The following MRO variants were observed in gnomAD, a reference collection of about 807,000 sequenced individuals.
The protein encoded by MRO is maestro, also known as protein maestro.
In MRO, 28 loss-of-function variants were observed where a neutral mutation model predicts 31.0. That is an observed-to-expected ratio of 0.90 (90% CI 0.67 to 1.24). MRO has a LOEUF of 1.24. Ranked by LOEUF, MRO falls within the 50% of genes most tolerant of loss-of-function variation. The probability of loss-of-function intolerance (pLI) is 0.00; values close to 1 mark genes in which losing one functional copy is unlikely to be tolerated. For missense variants in MRO, 332 were observed against 289.2 expected (o/e 1.15, Z -1.07); for synonymous variants, 108 against 108.4 (o/e 1.00, Z 0.02).
At position 50,795,883 on chromosome 18, in the gene MRO, T is replaced by G. The variant is rs921285700; in HGVS notation, c.*3454A>C. On this transcript the variant is annotated 3_prime_UTR_variant, in exon 8 of 8. Transcript: ENST00000398439. ...TGAACCCAGGAGGTGGAGGTTGCAG[T>G]GAGCCGAGATCGTGTCATTGCACTC... is the stretch of plus-strand genomic sequence containing the variant. The G allele has an allele frequency of 6.6e-6, 1 of 152,158 alleles. No individual in the cohort carries two copies. Among genetic ancestry groups the G allele is most frequent in the Admixed American group, 6.6e-5 (1 of 15,262 alleles). The allele number at this position is 152,158 out of a possible 1,614,324, so 9.4% of individuals were successfully genotyped here.
At chr18:50,802,615 A>G (rs1163230145) in intron 5 of MRO, among the ~76,000 whole-genome samples, 1 of 152,216 alleles carries the variant, frequency 6.6e-6, no homozygotes, top group East Asian at 1.9e-4. Context: ...TGAGGGTCAC[A>G]GAGACCCAGC....
At chr18:50,812,783 G>C (rs1370862139) in intron 2 of MRO, among the ~76,000 whole-genome samples, 1 of 152,148 alleles carries the variant, frequency 6.6e-6, no homozygotes, top group Non-Finnish European at 1.5e-5. Context: ...CAGGCAAGCA[G>C]CTGCAGCCAT....
In MRO at chr18:50,798,362, G is replaced by A. The variant is rs1053685602; in HGVS notation, c.*975C>T. ...AAAGTTAACTGGGCTTAGTAGAGGA[G>A]CAGAAGCAGAGATGTTTGCATTTGC... On this transcript the variant is annotated 3_prime_UTR_variant, in exon 8 of 8. Coordinates refer to ENST00000398439, the MANE Select transcript of MRO (RefSeq NM_031939.6). The A allele has an allele frequency of 6.6e-6, 1 of 152,172 alleles. No homozygotes were observed. Among genetic ancestry groups the A allele is most frequent in the Non-Finnish European group, 1.5e-5 (1 of 68,038 alleles). The allele number at this position is 152,172 out of a possible 1,614,324, so 9.4% of individuals were successfully genotyped here.
At chr18:50,800,197 C>A in intron 6 of MRO, 54 bp from the exon 7 acceptor site, 11 of 1,305,478 alleles carry the variant, frequency 8.4e-6, no homozygotes, top group Non-Finnish European at 1.2e-5. Context: ...TAATCCCAAG[C>A]AAGGAAAAGT....
Position 50,799,294 on chromosome 18 carries a change from C to G in MRO, c.*43G>C. 1 of 1,537,518 alleles carries G rather than the reference C, an allele frequency of 6.5e-7. No individual in the cohort carries two copies. The highest frequency in any genetic ancestry group is 9.0e-7 in the Non-Finnish European group (1 of 1,110,420). On this transcript the variant is annotated 3_prime_UTR_variant, in exon 8 of 8. Coordinates refer to ENST00000398439, the MANE Select transcript of MRO (RefSeq NM_031939.6). ...GATAAAACAGGGGAACATGATGGCT[C>G]AGCAATGCACTCATACAGAACCATT...
At position 50,800,008 on chromosome 18, in the gene MRO, G is replaced by C. The variant is rs2586778; in HGVS notation, c.693+28C>G. The C allele has an allele frequency of 9.5e-5, 146 of 1,540,218 alleles. No individual in the cohort carries two copies. The African/African-American group carries it at 1.7e-3, about 18-fold the overall frequency. ...CACCAGGAGGGCAGGGACCGGAAAAGAATTCTCTCCTACCCTGGCTCACTC... is the reference window on the plus strand; with the variant it reads ...CACCAGGAGGGCAGGGACCGGAAAACAATTCTCTCCTACCCTGGCTCACTC... On this transcript the variant is annotated intron_variant, in intron 7 of 7. Transcript: ENST00000398439.
chr18:50,810,861 A>G (rs1914417324), intron 2 of MRO, among the ~76,000 whole-genome samples: 1 of 152,150 alleles, frequency 6.6e-6, no homozygotes, highest in Non-Finnish European at 1.5e-5. Flanking sequence ...TTTAATTATT[A>G]TTATACTTTA....
intron 7 of MRO, 43 bp downstream of exon 7, chr18:50,799,993 G>C (rs1416654044): frequency 7.1e-7 from 1 of 1,403,328 alleles, no homozygotes; most frequent in East Asian, 2.3e-5. Flanking sequence ...CACCAGGAGG[G>C]CAGGGACCGG....
chr18:50,813,877 C>T (rs958057454), intron 2 of MRO, among the ~76,000 whole-genome samples: 8 of 152,240 alleles, frequency 5.3e-5, no homozygotes, highest in East Asian at 1.9e-4. Flanking sequence ...GGAAAAACTA[C>T]CTGTTGGGTA....
At chr18:50,800,338 C>A (rs1310469311) in intron 6 of MRO, among the ~76,000 whole-genome samples, 195 bp from the exon 7 acceptor site, 1 of 152,132 alleles carries the variant, frequency 6.6e-6, no homozygotes. Context: ...AATTTGGGGA[C>A]TGGTGGGAAG....
At chr18:50,819,766 A>C in intron 1 of MRO, 64 bp from the exon 2 acceptor site, 3 of 1,548,328 alleles carry the variant, frequency 1.9e-6, no homozygotes, top group Non-Finnish European at 2.6e-6. Flanking sequence ...GGGTCGGCAC[A>C]GAGTGTTGGA....
At chr18:50,817,626 C>T (rs1251277571) in intron 2 of MRO, among the ~76,000 whole-genome samples, 1 of 117,980 alleles carries the variant, frequency 8.5e-6, no homozygotes, top group Non-Finnish European at 1.9e-5. Flanking sequence ...TGCTACACGC[C>T]TGTTGGTATA....
In MRO at chr18:50,796,433, A is replaced by G. The variant is rs1476172896; in HGVS notation, c.*2904T>C. ...AACATAAAGCCATATACAAAAAAAA[A>G]CTTTTCAGATAAGATATAAGTGGTA... On this transcript the variant is annotated 3_prime_UTR_variant, in exon 8 of 8. Transcript: ENST00000398439. 5 of 152,136 alleles carry G rather than the reference A, an allele frequency of 3.3e-5. No individual in the cohort carries two copies. Among genetic ancestry groups the G allele is most frequent in the African/African-American group, 1.2e-4 (5 of 41,450 alleles). The allele number at this position is 152,136 out of a possible 1,614,324, so 9.4% of individuals were successfully genotyped here.
At chr18:50,804,771 A>ACCACCCGC (rs2144605611) in intron 5 of MRO, among the ~76,000 whole-genome samples, 1 of 152,198 alleles carries the variant, frequency 6.6e-6, no homozygotes, top group East Asian at 1.9e-4. Flanking sequence ...ACAGCAACAA[A>ACCACCCGC]CCACCCGCAG....
rs771779533 is a variant in MRO, at chr18:50,805,290, A to G, written c.293T>C (p.Leu98Pro). ...GACTTCCAAATTCACAGGGTCATAC[A>G]GTCCATACACCAGCAGGTCGAGGAC... ...KIVLDLLVYG[L>P]YDPVNLEVIH... Residue 98 changes from leucine to proline, a missense_variant, in exon 5 of 8, where the codon CTG (leucine) becomes CCG (proline). Leu to Pro is a moderately conservative substitution (Grantham distance 98, BLOSUM62 -3). Transcript: ENST00000398439. The G allele has an allele frequency of 2.5e-6, 4 of 1,614,150 alleles. No homozygotes were observed. Among genetic ancestry groups the G allele is most frequent in the Non-Finnish European group, 3.4e-6 (4 of 1,180,012 alleles).
rs572733166 is a variant in MRO, at chr18:50,800,623, G to A, written c.586-480C>T. ...GGTGGAGCCCAGCAAGATGGCTCAC[G>A]CCTATAATCCCAACACCTTGGGAGG... On this transcript the variant is annotated intron_variant, in intron 6 of 7. Transcript: ENST00000398439. 5.9e-5 allele frequency among the ~76,000 whole-genome samples: 9 copies of A among 152,296 alleles called. No individual in the cohort carries two copies. In the East Asian group the frequency reaches 7.7e-4, roughly 13 times the overall value.
In MRO at chr18:50,800,085, C is replaced by T. The variant is rs1396498424; in HGVS notation, c.644G>A (p.Ser215Asn). 4 of 1,613,892 alleles carry T rather than the reference C, an allele frequency of 2.5e-6. No individual in the cohort carries two copies. Among genetic ancestry groups the T allele is most frequent in the Non-Finnish European group, 1.7e-6 (2 of 1,179,864 alleles). Residue 215 changes from serine (S) to asparagine (N), a missense_variant, in exon 7 of 8, where the codon AGC becomes AAC. Transcript: ENST00000398439. ...CCTTTGATCTTCTTCACTCTGGAAG[C>T]TGTATTCCTCCTTTAGTTTCAGATA... ...SPYLKLKEEY[S>N]FQSEEDQRNT...
chr18:50,819,076 T>C (rs1363553240), intron 2 of MRO, among the ~76,000 whole-genome samples: 7 of 151,718 alleles, frequency 4.6e-5, no homozygotes, highest in Admixed American at 3.9e-4. Context: ...AAAAAATTAA[T>C]ATTAAAAAAA....
chr18:50,806,997 T>A, intron 3 of MRO, 147 bp from the exon 4 acceptor site: 1 of 770,158 alleles, frequency 1.3e-6, no homozygotes, highest in Non-Finnish European at 2.1e-6. Flanking sequence ...TGGGTTTTGT[T>A]GGAAATGTAC....
Sources: gnomAD v4.1 joint callset for allele counts (sites outside exome capture counted in the v4.1 genomes callset) on GRCh38, gnomAD v4.1.1 for gene constraint, MANE v1.5 for transcripts, NCBI Gene and HGNC (gene_info 2026-07-23, HGNC 2026-07-21) for gene names.